CCPG1: variants seen among roughly 807,000 people sequenced by gnomAD.
CCPG1 encodes the protein cell cycle progression 1.
CCPG1 carries 46 observed loss-of-function variants against 81.3 expected under a neutral mutation model. That is an observed-to-expected ratio of 0.57 (90% CI 0.45 to 0.72). The LOEUF (loss-of-function observed/expected upper bound fraction) is 0.72, where lower values mean the gene tolerates loss of function less well. CCPG1 is among the 30% of genes least tolerant of loss of function. CCPG1 has a pLI of 0.00. For synonymous variants in CCPG1, 330 were observed against 305.2 expected (o/e 1.08, Z -0.85); for missense variants, 902 against 937.6 (o/e 0.96, Z 0.50).
intron 1 of CCPG1, among the ~76,000 whole-genome samples, chr15:55,399,162 G>A (rs2057078186): frequency 6.6e-6 from 1 of 152,118 alleles, no homozygotes; most frequent in Admixed American, 6.6e-5. Flanking sequence ...CAGAGTAGGG[G>A]TGGGGATGGT....
At chr15:55,392,745 G>C (rs73406924) in intron 1 of CCPG1, among the ~76,000 whole-genome samples, 3,186 of 152,222 alleles carry the variant, frequency 0.021, 98 homozygotes, top group African/African-American at 0.069. Context: ...TCACACTCCT[G>C]AGCTCAAGTG....
intron 6 of CCPG1, among the ~76,000 whole-genome samples, chr15:55,367,961 G>C (rs2056365863): frequency 6.6e-6 from 1 of 151,966 alleles, no homozygotes; most frequent in Non-Finnish European, 1.5e-5. Flanking sequence ...AAAAGTTCCG[G>C]CACTTTTTTC....
chr15:55,359,800 T>C lies in CCPG1; in HGVS notation c.1973A>G (p.Gln658Arg). The C allele has an allele frequency of 6.2e-7, 1 of 1,613,240 alleles. No homozygotes were observed. The highest frequency in any genetic ancestry group is 1.1e-5 in the South Asian group (1 of 91,026). Residue 658 changes from glutamine (Q) to arginine (R), a missense_variant, in exon 8 of 9, where the codon CAG becomes CGG. Gln to Arg is a conservative substitution (Grantham distance 43). This residue lies in a region of CCPG1 where 746 missense variants were observed against 728.6 expected (regional missense o/e 1.02). Transcript: ENST00000442196. ...TTTTAACATGTACCTTTGAATTATC[T>C]GTCTAAATTCATCCATCCTTATAGG... ...VNPIRMDEFR[Q>R]IIQRYMLKEL...
intron 3 of CCPG1, among the ~76,000 whole-genome samples, chr15:55,382,255 T>C (rs1417824489): frequency 3.9e-5 from 6 of 152,200 alleles, no homozygotes; most frequent in South Asian, 4.1e-4. Flanking sequence ...TGCTGTTTGA[T>C]AGCACTTTGC....
intron 2 of CCPG1, among the ~76,000 whole-genome samples, chr15:55,386,308 T>C (rs1296379246): frequency 6.6e-6 from 1 of 152,218 alleles, no homozygotes; most frequent in Non-Finnish European, 1.5e-5. Context: ...GGCTAAAGCT[T>C]TAATGACATG....
intron 6 of CCPG1, among the ~76,000 whole-genome samples, chr15:55,369,834 GAAGTTTTA>G (rs1339035898): frequency 2.6e-5 from 4 of 152,136 alleles, no homozygotes; most frequent in Admixed American, 1.3e-4. Context: ...TGTAAATGGT[GAAGTTTTA>G]ATGCAATTTG....
chr15:55,365,954 A>T (rs2056318634), intron 6 of CCPG1, among the ~76,000 whole-genome samples: 1 of 151,966 alleles, frequency 6.6e-6, no homozygotes, highest in Non-Finnish European at 1.5e-5. Flanking sequence ...AATAAAATAA[A>T]AAAAGAAAAG....
At chr15:55,382,804 C>T (rs972399428) in intron 3 of CCPG1, among the ~76,000 whole-genome samples, 2 of 152,022 alleles carry the variant, frequency 1.3e-5, no homozygotes, top group South Asian at 2.1e-4. Flanking sequence ...CCACCACACC[C>T]GACCAGGATC....
At chr15:55,401,592 G>A (rs185379283) in intron 1 of CCPG1, among the ~76,000 whole-genome samples, 2 of 151,680 alleles carry the variant, frequency 1.3e-5, no homozygotes, top group Admixed American at 1.3e-4. Flanking sequence ...ACTTGAACCA[G>A]GAGGTGGAGG....
intron 1 of CCPG1, among the ~76,000 whole-genome samples, chr15:55,395,147 G>T (rs969928775): frequency 6.6e-6 from 1 of 152,016 alleles, no homozygotes; most frequent in African/African-American, 2.4e-5. Context: ...TGGTGTTTTG[G>T]TAACACCATC....
intron 8 of CCPG1, chr15:55,358,702 T>C: frequency 9.1e-6 from 9 of 985,436 alleles, no homozygotes; most frequent in Non-Finnish European, 9.6e-6. Flanking sequence ...CCCCATACCT[T>C]AATTTCATTT....
At chr15:55,362,425 G>T (rs531352836) in intron 7 of CCPG1, among the ~76,000 whole-genome samples, 2 of 151,984 alleles carry the variant, frequency 1.3e-5, no homozygotes, top group Non-Finnish European at 2.9e-5. Flanking sequence ...TCACGTTCTG[G>T]CTCATTAATC....
At chr15:55,407,228 CAAA>C (rs33932364) in intron 1 of CCPG1, among the ~76,000 whole-genome samples, 55 of 144,988 alleles carry the variant, frequency 3.8e-4, no homozygotes, top group African/African-American at 1.3e-3. Context: ...AACCCTCTCT[CAAA>C]AAAAAAAAAA....
At chr15:55,368,910 G>A (rs144388081) in intron 6 of CCPG1, among the ~76,000 whole-genome samples, 3,809 of 152,054 alleles carry the variant, frequency 0.025, 58 homozygotes, top group Non-Finnish European at 0.035. Context: ...TCAGGAGTTC[G>A]AGACCAACCT....
chr15:55,384,232 A>C (rs1328513770), intron 3 of CCPG1, among the ~76,000 whole-genome samples: 1 of 152,202 alleles, frequency 6.6e-6, no homozygotes, highest in East Asian at 1.9e-4. Context: ...CAGTCAGAAC[A>C]CACACATTTA....
chr15:55,359,497 T>G lies in CCPG1; in HGVS notation c.2234+42A>C. ...ATAAAAATGCTATCCAATCTACAAATGTTACAAACTACTGTAATGACACGG... is the reference window on the plus strand; with the variant it reads ...ATAAAAATGCTATCCAATCTACAAAGGTTACAAACTACTGTAATGACACGG... On this transcript the variant is annotated intron_variant, in intron 8 of 8. Transcript: ENST00000442196. The G allele has an allele frequency of 2.0e-6, 3 of 1,534,828 alleles. No homozygotes were observed. In the South Asian group the frequency reaches 3.9e-5, roughly 20 times the overall value.
chr15:55,401,038 C>G (rs2057119523), intron 1 of CCPG1, among the ~76,000 whole-genome samples: 1 of 152,088 alleles, frequency 6.6e-6, no homozygotes, highest in Non-Finnish European at 1.5e-5. Context: ...TTTCCTGCTC[C>G]CAAGACTATA....
In CCPG1 at chr15:55,398,685, G is replaced by C. The variant is rs551334149; in HGVS notation, c.-9-9252C>G. Reference sequence around the variant, plus strand: ...CAACCTCTGCTTTCCGGGTTCAAGAGATTCTCCTGCCTCAGCCTCCCAAGT... The same window carrying C: ...CAACCTCTGCTTTCCGGGTTCAAGACATTCTCCTGCCTCAGCCTCCCAAGT... On this transcript the variant is annotated intron_variant, in intron 1 of 8. Transcript: ENST00000442196. Among the ~76,000 whole-genome samples, 659 of 152,090 alleles carry C rather than the reference G, an allele frequency of 4.3e-3. 4 individuals are homozygous for C. The highest frequency in any genetic ancestry group is 0.015 in the African/African-American group (629 of 41,494).
chr15:55,386,806 A>G (rs971873706), intron 2 of CCPG1, among the ~76,000 whole-genome samples: 1 of 151,870 alleles, frequency 6.6e-6, no homozygotes, highest in African/African-American at 2.4e-5. Flanking sequence ...CTGAGGCAGG[A>G]GAATGGCGTG....
Sources: gnomAD v4.1 joint callset for allele counts (sites outside exome capture counted in the v4.1 genomes callset) on GRCh38, gnomAD v4.1.1 for gene constraint, gnomAD v4.1.1 regional missense constraint, MANE v1.5 for transcripts, NCBI Gene and HGNC (gene_info 2026-07-23, HGNC 2026-07-21) for gene names.